The following CAPS2 variants were observed in gnomAD, a reference collection of about 807,000 sequenced individuals.
CAPS2 encodes calcyphosin-2.
Under a neutral mutation model 86.5 loss-of-function variants are expected in CAPS2, and 98 were observed. The observed-to-expected ratio is 1.13, with a 90% confidence interval of 0.96 to 1.34. The LOEUF (loss-of-function observed/expected upper bound fraction) is 1.34, where lower values mean the gene tolerates loss of function less well. Ranked by LOEUF, CAPS2 falls within the 40% of genes most tolerant of loss-of-function variation. The pLI, the probability that CAPS2 is intolerant of heterozygous loss-of-function variation, is 0.00. For synonymous variants in CAPS2, 210 were observed against 225.1 expected (o/e 0.93, Z 0.60); for missense variants, 729 against 686.8 (o/e 1.06, Z -0.69).
At chr12:75,381,497 G>C (rs991402465) in intron 1 of CAPS2, among the ~76,000 whole-genome samples, 15 of 149,540 alleles carry the variant, frequency 1.0e-4, no homozygotes, top group African/African-American at 3.7e-4. Context: ...AGTAGATGCA[G>C]GATGAATATT....
At chr12:75,358,737 TG>T (rs907489175) in intron 1 of CAPS2, among the ~76,000 whole-genome samples, 2 of 139,334 alleles carry the variant, frequency 1.4e-5, no homozygotes, top group East Asian at 2.0e-4. Flanking sequence ...ATTATATATA[TG>T]GTTTAAATAT....
At chr12:75,342,830 T>C (rs1404778576) in intron 1 of CAPS2, among the ~76,000 whole-genome samples, 1 of 152,098 alleles carries the variant, frequency 6.6e-6, no homozygotes, top group Non-Finnish European at 1.5e-5. Flanking sequence ...TTTATTTAAG[T>C]CTTTTACAAC....
chr12:75,386,189 C>T (rs950995227), intron 1 of CAPS2, among the ~76,000 whole-genome samples: 2 of 151,954 alleles, frequency 1.3e-5, no homozygotes, highest in Non-Finnish European at 2.9e-5. Context: ...GCAAAAAAAC[C>T]CTGAACAGCC....
chr12:75,386,528 G>T (rs551478979), intron 1 of CAPS2, among the ~76,000 whole-genome samples: 1 of 152,186 alleles, frequency 6.6e-6, no homozygotes, highest in East Asian at 1.9e-4. Flanking sequence ...TACCAATCCT[G>T]TGATAATGGC....
upstream of CAPS2, among the ~76,000 whole-genome samples, chr12:75,332,836 G>A (rs936616836): frequency 6.6e-6 from 1 of 152,128 alleles, no homozygotes; most frequent in Middle Eastern, 3.2e-3. Context: ...AATTCAGGAG[G>A]TAATTAATGC....
At chr12:75,380,052 A>G (rs1014679418) in intron 1 of CAPS2, among the ~76,000 whole-genome samples, 2 of 151,984 alleles carry the variant, frequency 1.3e-5, no homozygotes, top group African/African-American at 2.4e-5. Context: ...TTTTTATAAT[A>G]AAGTAATATA....
intron 1 of CAPS2, among the ~76,000 whole-genome samples, chr12:75,335,511 T>G (rs1191624656): frequency 6.6e-6 from 1 of 152,198 alleles, no homozygotes; most frequent in African/African-American, 2.4e-5. Flanking sequence ...TGTTTATAAA[T>G]GCATCACTAT....
chr12:75,390,724 T>C, intron 1 of CAPS2: 1 of 466,626 alleles, frequency 2.1e-6, no homozygotes, highest in Non-Finnish European at 4.5e-6. Context: ...TACTCAGCAA[T>C]TGGCATTTAC....
At chr12:75,293,761 T>C (rs1321129420) in intron 11 of CAPS2, among the ~76,000 whole-genome samples, 1 of 152,146 alleles carries the variant, frequency 6.6e-6, no homozygotes, top group Non-Finnish European at 1.5e-5. Context: ...CAGCTGAACT[T>C]TTGATGACAG....
At chr12:75,340,845 C>T (rs1320202905) in intron 1 of CAPS2, among the ~76,000 whole-genome samples, 1 of 151,340 alleles carries the variant, frequency 6.6e-6, no homozygotes, top group Non-Finnish European at 1.5e-5. Flanking sequence ...CATCATTAGC[C>T]ATTAGTGAAA....
chr12:75,327,880 A>G (rs2040934113), upstream of CAPS2, among the ~76,000 whole-genome samples: 1 of 149,516 alleles, frequency 6.7e-6, no homozygotes, highest in Admixed American at 6.7e-5. Context: ...ATATATTATT[A>G]AAATATACTT....
intron 1 of CAPS2, chr12:75,369,522 G>C: frequency 1.0e-6 from 1 of 979,826 alleles, no homozygotes; most frequent in Non-Finnish European, 1.2e-6. Flanking sequence ...TGGTAAACTG[G>C]GGAGGAAAGT....
At chr12:75,331,967 T>G (rs956801284), upstream of CAPS2, among the ~76,000 whole-genome samples, 2 of 152,236 alleles carry the variant, frequency 1.3e-5, no homozygotes, top group Non-Finnish European at 2.9e-5. Flanking sequence ...CATTAGGACA[T>G]GCACTTGTTG....
At chr12:75,343,870 T>C (rs765852252) in intron 1 of CAPS2, 2 of 1,612,632 alleles carry the variant, frequency 1.2e-6, no homozygotes, top group South Asian at 2.2e-5. Context: ...TACGGCTTGG[T>C]ATAATGAAAC....
In CAPS2 at chr12:75,278,759, AAAAC is replaced by A. The variant is rs1279309070; in HGVS notation, c.*127_*130del. On this transcript the variant is annotated 3_prime_UTR_variant, in exon 17 of 17. Transcript: ENST00000393284. ...CATTTTTGAGAAAACAAAACAAAAC[AAAAC>A]AAACAAACAAGAAACCAGAATAAAG... 6.5e-5 allele frequency: 87 copies of A among 1,331,466 alleles called. No homozygotes were observed. The East Asian group carries it at 9.9e-4, about 15-fold the overall frequency. 82.5% of individuals were successfully genotyped at this position (1,331,466 alleles called of 1,614,324 possible).
chr12:75,389,027 AC>A, intron 1 of CAPS2, among the ~76,000 whole-genome samples: 1 of 152,302 alleles, frequency 6.6e-6, no homozygotes, highest in Middle Eastern at 3.4e-3. Flanking sequence ...AAGTAGCTCT[AC>A]CACTCCCTGG....
chr12:75,379,046 C>T (rs1241121109), intron 1 of CAPS2, among the ~76,000 whole-genome samples: 1 of 152,058 alleles, frequency 6.6e-6, no homozygotes, highest in African/African-American at 2.4e-5. Context: ...TTGTTATCTT[C>T]ATGTATTTTA....
In CAPS2 at chr12:75,298,682, C is replaced by T; in HGVS notation, c.1044+5G>A. The stretch of plus-strand genomic sequence containing the variant: ...TAAATGTGTGCACACACACACACCA[C>T]TTACAACATAAAAATCACCAAGTCG... On this transcript the variant is annotated splice_donor_5th_base_variant and intron_variant, in intron 11 of 16. Transcript: ENST00000393284. 1 of 1,610,668 alleles carries T rather than the reference C, an allele frequency of 6.2e-7. No homozygotes were observed. The highest frequency in any genetic ancestry group is 8.5e-7 in the Non-Finnish European group (1 of 1,176,908).
At chr12:75,299,669 AT>A (rs1471029927) in intron 9 of CAPS2, among the ~76,000 whole-genome samples, 167 bp downstream of exon 9, 1 of 152,124 alleles carries the variant, frequency 6.6e-6, no homozygotes, top group Non-Finnish European at 1.5e-5. Context: ...TATTTCCTAT[AT>A]TTTTATAACA....
Sources: allele counts gnomAD v4.1 joint callset (sites outside exome capture counted in the v4.1 genomes callset), GRCh38; gene constraint gnomAD v4.1.1; transcripts MANE v1.5; gene names NCBI Gene and HGNC (gene_info 2026-07-23, HGNC 2026-07-21).